The following MARCHF1 variants were observed in gnomAD, a reference collection of about 807,000 sequenced individuals.
The protein encoded by MARCHF1 is membrane associated ring-CH-type finger 1.
MARCHF1 carries 40 observed loss-of-function variants against 54.2 expected under a neutral mutation model. The ratio of observed to expected loss-of-function variants is 0.74; its 90% CI spans 0.57 to 0.96. The LOEUF (loss-of-function observed/expected upper bound fraction) is 0.96, where lower values mean the gene tolerates loss of function less well. MARCHF1 is among the 40% of genes least tolerant of loss of function. MARCHF1 has a pLI of 0.00. For missense variants in MARCHF1, 586 were observed against 656.5 expected (o/e 0.89, Z 1.17); for synonymous variants, 236 against 236.3 (o/e 1.00, Z 0.01).
At chr4:163,935,702 C>CTTTTTTTTTTTTTTTTTTTTT (rs34331599) in intron 3 of MARCHF1, among the ~76,000 whole-genome samples, 3 of 125,760 alleles carry the variant, frequency 2.4e-5, no homozygotes, top group African/African-American at 8.5e-5. Context: ...TGCTTGCTTT[C>CTTTTTTTTTTTTTTTTTTTTT]TTTTTTTTTT....
chr4:163,953,639 G>A (rs892504919), intron 3 of MARCHF1, among the ~76,000 whole-genome samples: 1 of 152,034 alleles, frequency 6.6e-6, no homozygotes, highest in Non-Finnish European at 1.5e-5. Context: ...TATACTCAAT[G>A]TCTTACAGTA....
intron 7 of MARCHF1, among the ~76,000 whole-genome samples, chr4:163,611,590 C>G (rs1432528881): frequency 6.6e-6 from 1 of 151,990 alleles, no homozygotes; most frequent in Non-Finnish European, 1.5e-5. Context: ...TCCTATAATT[C>G]TTTTTATGTA....
intron 3 of MARCHF1, among the ~76,000 whole-genome samples, chr4:163,935,724 T>A (rs200498028): frequency 0.14 from 13,871 of 101,012 alleles, 1,482 homozygotes; most frequent in African/African-American, 0.32. Flanking sequence ...TTTTTTTTTT[T>A]ATTATACTTT....
intron 7 of MARCHF1, among the ~76,000 whole-genome samples, chr4:163,603,773 T>G (rs774132394): frequency 3.3e-5 from 5 of 152,054 alleles, no homozygotes; most frequent in Non-Finnish European, 5.9e-5. Flanking sequence ...CAAAAAAAAG[T>G]CATACCTATT....
At chr4:164,041,775 C>T (rs1255421642) in intron 2 of MARCHF1, among the ~76,000 whole-genome samples, 1 of 152,108 alleles carries the variant, frequency 6.6e-6, no homozygotes, top group Non-Finnish European at 1.5e-5. Flanking sequence ...CAGAAACCCT[C>T]CTTATGATTC....
rs1291943631 is a variant in MARCHF1, at chr4:164,252,690, A to G, written c.-323+131180T>C. 2.0e-5 allele frequency among the ~76,000 whole-genome samples: 3 copies of G among 152,318 alleles called. No individual in the cohort carries two copies. In the East Asian group the frequency reaches 5.8e-4, roughly 29 times the overall value. On this transcript the variant is annotated intron_variant, in intron 1 of 9. Coordinates refer to ENST00000514618, the MANE Select transcript of MARCHF1 (RefSeq NM_001394959.1). ...AATCAATCAATCAATTATTTACTTT[A>G]ACAAGTTAATATCCTCAGAGATAAG...
chr4:164,224,439 A>G (rs1732196275), intron 1 of MARCHF1, among the ~76,000 whole-genome samples: 1 of 151,686 alleles, frequency 6.6e-6, no homozygotes, highest in African/African-American at 2.4e-5. Flanking sequence ...TTGAATTTAA[A>G]TCTTCTCTTT....
intron 1 of MARCHF1, among the ~76,000 whole-genome samples, chr4:164,299,411 G>C (rs1474447202): frequency 1.3e-5 from 2 of 152,160 alleles, no homozygotes; most frequent in Non-Finnish European, 2.9e-5. Flanking sequence ...TCCAAAAGCA[G>C]CAGGCCTTTA....
At chr4:164,187,371 A>G (rs1026950719) in intron 1 of MARCHF1, among the ~76,000 whole-genome samples, 8 of 152,162 alleles carry the variant, frequency 5.3e-5, no homozygotes, top group African/African-American at 1.9e-4. Context: ...GTCTTTCTCT[A>G]AAGTGGAGGA....
chr4:163,864,983 A>G (rs1750018307), intron 3 of MARCHF1, among the ~76,000 whole-genome samples: 1 of 151,960 alleles, frequency 6.6e-6, no homozygotes, highest in African/African-American at 2.4e-5. Context: ...AAACAGTGAA[A>G]TAAAAGTTGT....
chr4:163,973,901 T>C (rs1227201548), intron 3 of MARCHF1, among the ~76,000 whole-genome samples: 1 of 152,248 alleles, frequency 6.6e-6, no homozygotes, highest in Admixed American at 6.5e-5. Context: ...CTTCAAGGAC[T>C]AGGATGCTAA....
intron 4 of MARCHF1, among the ~76,000 whole-genome samples, chr4:163,724,809 T>A (rs933563150): frequency 1.3e-5 from 2 of 152,110 alleles, no homozygotes; most frequent in South Asian, 2.1e-4. Context: ...CTCCAAGCCA[T>A]GCATGGGATA....
At chr4:163,755,277 C>T (rs189259427) in intron 4 of MARCHF1, among the ~76,000 whole-genome samples, 8 of 152,226 alleles carry the variant, frequency 5.3e-5, no homozygotes, top group Admixed American at 2.0e-4. Context: ...ATTGCTGCCC[C>T]CTACTGATTA....
At chr4:163,996,233 G>A (rs572555981) in intron 2 of MARCHF1, among the ~76,000 whole-genome samples, 1 of 151,960 alleles carries the variant, frequency 6.6e-6, no homozygotes, top group African/African-American at 2.4e-5. Context: ...TGATGCTTAT[G>A]ACAAATAATT....
intron 2 of MARCHF1, among the ~76,000 whole-genome samples, chr4:164,061,970 G>T (rs1754626909): frequency 6.6e-6 from 1 of 152,130 alleles, no homozygotes; most frequent in African/African-American, 2.4e-5. Flanking sequence ...TTTCATGAAA[G>T]ATTATTCTGT....
intron 7 of MARCHF1, among the ~76,000 whole-genome samples, chr4:163,587,787 C>T (rs1319213322): frequency 1.3e-5 from 2 of 149,076 alleles, no homozygotes; most frequent in Non-Finnish European, 2.9e-5. Context: ...CAAAATGCAA[C>T]ATAAATGTGC....
intron 2 of MARCHF1, among the ~76,000 whole-genome samples, chr4:164,072,440 G>A (rs6847108): frequency 0.013 from 1,900 of 151,996 alleles, 37 homozygotes; most frequent in African/African-American, 0.043. Context: ...GTGTGTCTGC[G>A]GTCCCAGCTA....
chr4:164,282,340 T>G (rs1338053035), intron 1 of MARCHF1, among the ~76,000 whole-genome samples: 2 of 150,936 alleles, frequency 1.3e-5, no homozygotes, highest in Non-Finnish European at 2.9e-5. Flanking sequence ...CTCAAAACTT[T>G]CAACTTTATC....
At chr4:163,559,869 G>T (rs1366110796) in intron 8 of MARCHF1, among the ~76,000 whole-genome samples, 1 of 152,170 alleles carries the variant, frequency 6.6e-6, no homozygotes, top group Non-Finnish European at 1.5e-5. Context: ...AAGAGTGTCA[G>T]CCTCGGAAAT....
Sources: gnomAD v4.1 joint callset for allele counts (sites outside exome capture counted in the v4.1 genomes callset) on GRCh38, gnomAD v4.1.1 for gene constraint, MANE v1.5 for transcripts, NCBI Gene and HGNC (gene_info 2026-07-23, HGNC 2026-07-21) for gene names.